The following SLC39A11 variants were observed in gnomAD, a reference collection of about 807,000 sequenced individuals.
SLC39A11 encodes solute carrier family 39 member 11.
A neutral mutation model predicts 36.1 loss-of-function variants in SLC39A11; 33 were observed. The ratio of observed to expected loss-of-function variants is 0.91; its 90% CI spans 0.69 to 1.22. The LOEUF (loss-of-function observed/expected upper bound fraction) is 1.22, where lower values mean the gene tolerates loss of function less well. Ranked by LOEUF, SLC39A11 falls within the 50% of genes most tolerant of loss-of-function variation. SLC39A11 has a pLI of 0.00. For missense variants in SLC39A11, 432 were observed against 430.3 expected, an observed-to-expected ratio of 1.00 and a Z score of -0.03; for synonymous variants, 166 against 170.3, an observed-to-expected ratio of 0.97 and a Z score of 0.20.
At chr17:72,835,762 T>G (rs538988169) in intron 6 of SLC39A11, among the ~76,000 whole-genome samples, 15 of 152,236 alleles carry the variant, frequency 9.9e-5, no homozygotes, top group Non-Finnish European at 1.9e-4. Flanking sequence ...TGGGTGGCCC[T>G]GCTTGTTGCT....
intron 7 of SLC39A11, among the ~76,000 whole-genome samples, chr17:72,732,606 T>G (rs531687788): frequency 6.6e-6 from 1 of 152,172 alleles, no homozygotes; most frequent in East Asian, 1.9e-4. Flanking sequence ...GTTTTGTGAG[T>G]GCTATCTTTC....
chr17:72,974,627 G>A (rs543880423), intron 4 of SLC39A11, among the ~76,000 whole-genome samples: 82 of 152,258 alleles, frequency 5.4e-4, no homozygotes, highest in Non-Finnish European at 1.1e-3. Flanking sequence ...AGTAAGTTAA[G>A]GCCAATGTAT....
At chr17:72,828,571 G>A (rs2078129389) in intron 6 of SLC39A11, among the ~76,000 whole-genome samples, 1 of 152,214 alleles carries the variant, frequency 6.6e-6, no homozygotes, top group African/African-American at 2.4e-5. Context: ...CCCAGAGCCT[G>A]TGTGCTTAAC....
At chr17:72,972,618 C>T (rs185915870) in intron 4 of SLC39A11, among the ~76,000 whole-genome samples, 46 of 152,224 alleles carry the variant, frequency 3.0e-4, no homozygotes, top group Non-Finnish European at 5.7e-4. Flanking sequence ...TACAACCCTC[C>T]GAGAAGCTTA....
intron 4 of SLC39A11, among the ~76,000 whole-genome samples, chr17:72,957,904 C>T (rs190231238): frequency 3.3e-5 from 5 of 151,998 alleles, no homozygotes; most frequent in Admixed American, 6.6e-5. Flanking sequence ...GCAGGAGAAT[C>T]GCTTGAACCT....
rs1463166589 is a variant in SLC39A11 at position 73,007,898 on chromosome 17, T to C, written c.306+23658A>G. On this transcript the variant is annotated intron_variant, in intron 4 of 9. Coordinates refer to ENST00000255559, the MANE Select transcript of SLC39A11 (RefSeq NM_139177.4). ...CATGTGGATCACCTGAGGTCAGGAG[T>C]TCGAGACCAGCCTGACCAACATGGT... is the stretch of plus-strand genomic sequence containing the variant. Among the ~76,000 whole-genome samples, 7 of 152,054 alleles carry C rather than the reference T, an allele frequency of 4.6e-5. No individual in the cohort carries two copies. In the East Asian group the frequency reaches 1.4e-3, roughly 30 times the overall value.
At chr17:73,045,912 A>C (rs1001151166) in intron 3 of SLC39A11, among the ~76,000 whole-genome samples, 1 of 152,184 alleles carries the variant, frequency 6.6e-6, no homozygotes, top group African/African-American at 2.4e-5. Context: ...CCAACCCATC[A>C]GCACTCTCTC....
chr17:73,032,697 G>A (rs1455839520), intron 3 of SLC39A11, among the ~76,000 whole-genome samples: 1 of 152,096 alleles, frequency 6.6e-6, no homozygotes, highest in Non-Finnish European at 1.5e-5. Context: ...TGTCCCTCCT[G>A]TGTGATATGT....
chr17:72,922,960 CAAAAA>C (rs10645750), intron 5 of SLC39A11, among the ~76,000 whole-genome samples: 1 of 44,072 alleles, frequency 2.3e-5, no homozygotes, highest in Non-Finnish European at 5.9e-5. Context: ...GACTCCTTCT[CAAAAA>C]AAAAAAAAAA....
At chr17:72,911,032 T>C (rs150071552) in intron 5 of SLC39A11, among the ~76,000 whole-genome samples, 10 of 151,980 alleles carry the variant, frequency 6.6e-5, no homozygotes, top group African/African-American at 2.4e-4. Flanking sequence ...CACAACTCAG[T>C]ATAGGTTCTT....
At chr17:72,957,855 TG>T (rs1264050351) in intron 4 of SLC39A11, among the ~76,000 whole-genome samples, 1 of 150,350 alleles carries the variant, frequency 6.7e-6, no homozygotes, top group Non-Finnish European at 1.5e-5. Context: ...CCAGGCGTGA[TG>T]GCTTGCGCCT....
intron 4 of SLC39A11, among the ~76,000 whole-genome samples, chr17:72,977,558 C>T (rs1196319174): frequency 2.0e-5 from 3 of 152,138 alleles, no homozygotes; most frequent in African/African-American, 7.2e-5. Flanking sequence ...GGAGAACACC[C>T]CCACCCCTGG....
intron 7 of SLC39A11, among the ~76,000 whole-genome samples, chr17:72,660,489 T>A (rs2070361341): frequency 6.6e-6 from 1 of 152,198 alleles, no homozygotes; most frequent in African/African-American, 2.4e-5. Context: ...GTTGTGGAGC[T>A]GGGAAGTGAC....
chr17:72,907,959 C>A (rs546878674), intron 5 of SLC39A11, among the ~76,000 whole-genome samples: 33 of 152,332 alleles, frequency 2.2e-4, no homozygotes, highest in African/African-American at 7.7e-4. Flanking sequence ...TGAGCAGGGG[C>A]AGGGCACAGA....
At chr17:73,085,752 C>T (rs1012098975) in intron 2 of SLC39A11, among the ~76,000 whole-genome samples, 2 of 151,874 alleles carry the variant, frequency 1.3e-5, no homozygotes, top group Non-Finnish European at 2.9e-5. Flanking sequence ...GTGTGCCACT[C>T]CTGAGTAATC....
At chr17:73,033,693 T>C (rs1286982141) in intron 3 of SLC39A11, among the ~76,000 whole-genome samples, 2 of 152,214 alleles carry the variant, frequency 1.3e-5, no homozygotes, top group African/African-American at 2.4e-5. Context: ...ATCGTAACTA[T>C]ACGGCAGTCA....
intron 5 of SLC39A11, among the ~76,000 whole-genome samples, chr17:72,873,455 T>C (rs912233760): frequency 8.0e-5 from 9 of 112,684 alleles, no homozygotes; most frequent in Admixed American, 1.7e-4. Flanking sequence ...CTCCCATCCT[T>C]CCAACTTGGC....
At chr17:73,029,139 T>C (rs1486365433) in intron 4 of SLC39A11, among the ~76,000 whole-genome samples, 1 of 148,740 alleles carries the variant, frequency 6.7e-6, no homozygotes, top group Non-Finnish European at 1.5e-5. Flanking sequence ...AAAAAATTAC[T>C]GCTGCATAGT....
chr17:72,871,377 T>C (rs1357907223), intron 5 of SLC39A11, among the ~76,000 whole-genome samples: 1 of 152,116 alleles, frequency 6.6e-6, no homozygotes, highest in Non-Finnish European at 1.5e-5. Context: ...CAAGCCCCTT[T>C]CAATCACACC....
Sources: gnomAD v4.1 joint callset for allele counts (sites outside exome capture counted in the v4.1 genomes callset) on GRCh38, gnomAD v4.1.1 for gene constraint, MANE v1.5 for transcripts, NCBI Gene and HGNC (gene_info 2026-07-23, HGNC 2026-07-21) for gene names.